Variants in OPCML observed in about 807,000 individuals in gnomAD.
OPCML encodes opioid-binding protein/cell adhesion molecule.
In OPCML, 13 loss-of-function variants were observed where a neutral mutation model predicts 37.8. The ratio of observed to expected loss-of-function variants is 0.34; its 90% CI spans 0.22 to 0.55. OPCML has a LOEUF of 0.55. OPCML is among the 20% of genes least tolerant of loss of function. The pLI is 0.91. For synonymous variants in OPCML, 176 were observed against 168.8 expected, an observed-to-expected ratio of 1.04 and a Z score of -0.33; for missense variants, 341 against 435.6, an observed-to-expected ratio of 0.78 and a Z score of 1.93.
chr11:133,205,553 C>T lies in OPCML; in HGVS notation c.62-262543G>A, dbSNP rs1939028078. ...AGCCTCACCCTATGGGGACTGACGC[C>T]GTCTCCAGGTAGACAGTGTCAGAAT... On this transcript the variant is annotated intron_variant, in intron 1 of 7. Transcript: ENST00000524381. This position sits in a 1 kb window ranked among gnomAD's most constrained non-coding sequence, Gnocchi z 4.8. 6.6e-6 allele frequency among the ~76,000 whole-genome samples: 1 copy of T among 152,176 alleles called. No individual in the cohort carries two copies. The highest frequency in any genetic ancestry group is 2.4e-5 in the African/African-American group (1 of 41,444).
At chr11:132,978,410 T>C (rs1946510758) in intron 1 of OPCML, among the ~76,000 whole-genome samples, 1 of 152,162 alleles carries the variant, frequency 6.6e-6, no homozygotes, top group Non-Finnish European at 1.5e-5. Flanking sequence ...AGGTATCTTC[T>C]CCGCTGAAAA....
chr11:133,158,752 TAAAATGAAAATTAAA>T (rs1950102489), intron 1 of OPCML, among the ~76,000 whole-genome samples: 2 of 150,076 alleles, frequency 1.3e-5, no homozygotes, highest in Non-Finnish European at 3.0e-5. Context: ...TAAAATAAAA[TAAAATGAAAATTAAA>T]AAAAATTTCT....
chr11:133,076,529 T>A (rs1948623023), intron 1 of OPCML, among the ~76,000 whole-genome samples: 1 of 152,286 alleles, frequency 6.6e-6, no homozygotes, highest in East Asian at 1.9e-4. Flanking sequence ...TAGGCCAGAA[T>A]TGGCTGTGAA....
chr11:132,642,475 G>A (rs1249826551), intron 3 of OPCML, among the ~76,000 whole-genome samples: 1 of 152,172 alleles, frequency 6.6e-6, no homozygotes, highest in Non-Finnish European at 1.5e-5. Flanking sequence ...AGGAGGCACA[G>A]TTATTCCATT....
chr11:132,521,962 G>A (rs2096295027), intron 4 of OPCML, among the ~76,000 whole-genome samples: 1 of 152,096 alleles, frequency 6.6e-6, no homozygotes, highest in African/African-American at 2.4e-5. Flanking sequence ...ATCAACCCAA[G>A]GCAACTGCCT....
At chr11:132,565,399 T>G (rs866849404) in intron 3 of OPCML, among the ~76,000 whole-genome samples, 41 of 152,338 alleles carry the variant, frequency 2.7e-4, no homozygotes, top group African/African-American at 9.4e-4. Flanking sequence ...TCATATGTAC[T>G]CAGATTTGAC....
At chr11:133,163,406 C>G (rs2137223266) in intron 1 of OPCML, among the ~76,000 whole-genome samples, 1 of 152,274 alleles carries the variant, frequency 6.6e-6, no homozygotes. Flanking sequence ...AGGCAGTGCT[C>G]AAGAGTGAAA....
At chr11:132,469,007 C>T (rs1200115164) in intron 4 of OPCML, among the ~76,000 whole-genome samples, 1 of 152,232 alleles carries the variant, frequency 6.6e-6, no homozygotes, top group Non-Finnish European at 1.5e-5. Flanking sequence ...AAAGTAACCA[C>T]TACCCAAACC....
chr11:133,296,314 T>A (rs1942628283), intron 1 of OPCML, among the ~76,000 whole-genome samples: 1 of 152,192 alleles, frequency 6.6e-6, no homozygotes, highest in African/African-American at 2.4e-5. Context: ...GGTCTGCAGT[T>A]AGCGGTTTAT....
chr11:133,488,870 T>C (rs1376835094), intron 1 of OPCML, among the ~76,000 whole-genome samples: 1 of 151,202 alleles, frequency 6.6e-6, no homozygotes, highest in Non-Finnish European at 1.5e-5. Context: ...GACATAAAAA[T>C]ACACACATAG....
chr11:133,461,033 G>T (rs898797559), intron 1 of OPCML, among the ~76,000 whole-genome samples: 3 of 151,750 alleles, frequency 2.0e-5, no homozygotes, highest in Admixed American at 6.6e-5. Flanking sequence ...ACAAAATTTA[G>T]CATTATTTCA....
At chr11:133,129,204 G>C (rs1236472671) in intron 1 of OPCML, among the ~76,000 whole-genome samples, 3 of 151,366 alleles carry the variant, frequency 2.0e-5, no homozygotes, top group African/African-American at 7.3e-5. Flanking sequence ...TAGCTACACA[G>C]AGAGAGAGCT....
chr11:132,863,061 G>A (rs1021513727), intron 2 of OPCML, among the ~76,000 whole-genome samples: 12 of 152,098 alleles, frequency 7.9e-5, no homozygotes, highest in African/African-American at 2.9e-4. Flanking sequence ...ACTGGGTGTG[G>A]GCAGCCTCAG....
chr11:133,384,533 C>T (rs1945003218), intron 1 of OPCML, among the ~76,000 whole-genome samples: 1 of 152,196 alleles, frequency 6.6e-6, no homozygotes, highest in South Asian at 2.1e-4. Flanking sequence ...TACTCCTTCT[C>T]TCTGGCTCTG....
rs139254174 is a variant in OPCML at position 132,620,377 on chromosome 11, T to C, written c.379+36710A>G. Among the ~76,000 whole-genome samples the C allele has an allele frequency of 3.3e-3, 498 of 152,360 alleles. 5 individuals are homozygous for C. The highest frequency in any genetic ancestry group is 0.016 in the South Asian group (77 of 4,830). ...AAATTGGATGGATTGGTAATATTGA[T>C]CAAGCCTAGTTAATATGTTAAGGAA... On this transcript the variant is annotated intron_variant, in intron 3 of 7. Transcript: ENST00000524381.
chr11:132,844,226 C>T (rs1420407250), intron 2 of OPCML, among the ~76,000 whole-genome samples: 3 of 152,264 alleles, frequency 2.0e-5, no homozygotes, highest in South Asian at 2.1e-4. Flanking sequence ...TGCCCAGTCT[C>T]GGGTATGTCT....
chr11:132,880,927 C>A (rs1943201734), intron 2 of OPCML, among the ~76,000 whole-genome samples: 2 of 152,302 alleles, frequency 1.3e-5, no homozygotes, highest in African/African-American at 4.8e-5. Flanking sequence ...CACTCCCCAC[C>A]CCCACTTCCA....
chr11:133,404,801 A>T (rs1945491693), intron 1 of OPCML, among the ~76,000 whole-genome samples: 1 of 152,224 alleles, frequency 6.6e-6, no homozygotes, highest in South Asian at 2.1e-4. Context: ...AAGATACACA[A>T]TTTAAAAAAT....
At chr11:132,780,339 G>A (rs1339976338) in intron 2 of OPCML, among the ~76,000 whole-genome samples, 2 of 152,186 alleles carry the variant, frequency 1.3e-5, no homozygotes, top group African/African-American at 4.8e-5. Context: ...TAGTGCCAAC[G>A]GTAGGAAGAC....
Sources: allele counts gnomAD v4.1 joint callset (sites outside exome capture counted in the v4.1 genomes callset), GRCh38; gene constraint gnomAD v4.1.1; non-coding constraint Gnocchi (gnomAD v3.1); transcripts MANE v1.5; gene names NCBI Gene and HGNC (gene_info 2026-07-23, HGNC 2026-07-21).